Variants in ARHGAP26 observed in about 807,000 individuals in gnomAD.
The protein encoded by ARHGAP26 is rho GTPase-activating protein 26.
A neutral mutation model predicts 104.8 loss-of-function variants in ARHGAP26; 38 were observed. That is an observed-to-expected ratio of 0.36 (90% CI 0.28 to 0.48). The LOEUF is 0.48. Ranked by LOEUF, ARHGAP26 falls within the 20% of genes least tolerant of loss-of-function variation. The probability of loss-of-function intolerance (pLI) is 0.99; values close to 1 mark genes in which losing one functional copy is unlikely to be tolerated. For synonymous variants in ARHGAP26, 341 were observed against 340.0 expected, an observed-to-expected ratio of 1.00 and a Z score of -0.03; for missense variants, 704 against 947.9, an observed-to-expected ratio of 0.74 and a Z score of 3.38.
intron 1 of ARHGAP26, among the ~76,000 whole-genome samples, chr5:142,819,625 T>C (rs1168122612): frequency 1.3e-5 from 2 of 151,992 alleles, no homozygotes; most frequent in Non-Finnish European, 2.9e-5. Context: ...ACAGGAAGAG[T>C]AGTCATATAT....
At chr5:143,166,159 CT>C in intron 20 of ARHGAP26, 1 of 1,173,950 alleles carries the variant, frequency 8.5e-7, no homozygotes, top group South Asian at 1.5e-5. Flanking sequence ...AACACACGCC[CT>C]TCCCCTAACT....
rs756401821 is a variant in ARHGAP26, at chr5:143,087,636, C to CTTCTT, written c.1538+29891_1538+29892insCTTTT. ...CTCATCTAATTAACCCTGGCCCATTCTTTTTTTTTTTTTTTTTTTTTTTTT... is the reference window on the plus strand; with the variant it reads ...CTCATCTAATTAACCCTGGCCCATTCTTCTTTTTTTTTTTTTTTTTTTTTTTTTTT... On this transcript the variant is annotated intron_variant, in intron 17 of 22. Transcript: ENST00000645722. 5.0e-3 allele frequency among the ~76,000 whole-genome samples: 259 copies of CTTCTT among 51,564 alleles called. 11 individuals carry two copies. The East Asian group carries it at 0.076, about 15-fold the overall frequency. 33.8% of individuals were successfully genotyped at this position (51,564 alleles called of 152,430 possible).
intron 17 of ARHGAP26, among the ~76,000 whole-genome samples, chr5:143,105,533 G>A (rs1175254891): frequency 6.6e-6 from 1 of 152,134 alleles, no homozygotes; most frequent in Non-Finnish European, 1.5e-5. Flanking sequence ...TTCTGTGTGT[G>A]GGAATCATAT....
chr5:143,204,390 G>A (rs923340505), intron 20 of ARHGAP26, among the ~76,000 whole-genome samples: 2 of 152,074 alleles, frequency 1.3e-5, no homozygotes, highest in Non-Finnish European at 1.5e-5. Flanking sequence ...CAGGCATGGT[G>A]GGGGGGATCT....
At chr5:142,876,038 A>G (rs1258956784) in intron 3 of ARHGAP26, among the ~76,000 whole-genome samples, 3 of 152,166 alleles carry the variant, frequency 2.0e-5, no homozygotes, top group Non-Finnish European at 2.9e-5. Context: ...AACCCTGCCT[A>G]TAATTTATTC....
At chr5:143,057,176 A>G (rs1785947101) in intron 16 of ARHGAP26, among the ~76,000 whole-genome samples, 1 of 152,232 alleles carries the variant, frequency 6.6e-6, no homozygotes, top group Admixed American at 6.5e-5. Context: ...ACTTGAGGAT[A>G]CTGGACATTT....
At chr5:142,897,108 T>C (rs1186949854) in intron 6 of ARHGAP26, among the ~76,000 whole-genome samples, 2 of 152,056 alleles carry the variant, frequency 1.3e-5, no homozygotes, top group African/African-American at 4.8e-5. Context: ...CTCACTGGGG[T>C]AAGCAAGATG....
chr5:142,783,673 A>G (rs1216000000), intron 1 of ARHGAP26, among the ~76,000 whole-genome samples: 1 of 152,050 alleles, frequency 6.6e-6, no homozygotes, highest in East Asian at 1.9e-4. Flanking sequence ...TTTCTGGCAA[A>G]TACTGCTGTC....
Position 142,812,814 on chromosome 5 carries a change from G to C in ARHGAP26, c.154+41899G>C, listed in dbSNP as rs188916219. ...CAGCCTCCTGAGTCTTTGGAGTTGA[G>C]GGCATAAGCCACCGTGTCTGGCTCC... On this transcript the variant is annotated intron_variant, in intron 1 of 22. Transcript: ENST00000645722. Among the ~76,000 whole-genome samples the C allele has an allele frequency of 4.6e-3, 697 of 152,198 alleles. 9 individuals are homozygous for C. The highest frequency in any genetic ancestry group is 0.016 in the African/African-American group (666 of 41,532).
chr5:143,018,433 A>C (rs1240299348), intron 12 of ARHGAP26, among the ~76,000 whole-genome samples: 2 of 152,194 alleles, frequency 1.3e-5, no homozygotes, highest in Non-Finnish European at 2.9e-5. Flanking sequence ...TGTCACAAAG[A>C]TGTGTACCTA....
rs75182529 is a variant in ARHGAP26 at position 142,801,194 on chromosome 5, C to T, written c.154+30279C>T. On this transcript the variant is annotated intron_variant, in intron 1 of 22. Transcript: ENST00000645722. The stretch of plus-strand genomic sequence containing the variant: ...TTTGACTCTTTCCTCTGGGTTTGAG[C>T]TGTGGAATTGCTGTAGGAGCTTTTT... 5.7e-3 allele frequency among the ~76,000 whole-genome samples: 875 copies of T among 152,300 alleles called. 18 individuals are homozygous for T. The East Asian group carries it at 0.063, about 11-fold the overall frequency.
intron 11 of ARHGAP26, among the ~76,000 whole-genome samples, chr5:142,949,399 A>G (rs1287447002): frequency 6.6e-6 from 1 of 151,980 alleles, no homozygotes. Flanking sequence ...CATTTTTGCC[A>G]CCGTCATCTC....
chr5:143,027,348 C>CTT (rs34130538), intron 12 of ARHGAP26, among the ~76,000 whole-genome samples: 1 of 133,340 alleles, frequency 7.5e-6, no homozygotes, highest in Non-Finnish European at 1.6e-5. Flanking sequence ...ATTTTTTTTT[C>CTT]TTTTTTTTTT....
rs761442291 is a variant in ARHGAP26 at position 143,207,278 on chromosome 5, C to T, written c.2069C>T (p.Ser690Leu). 1 of 1,614,202 alleles carries T rather than the reference C, an allele frequency of 6.2e-7. No individual in the cohort carries two copies. Among genetic ancestry groups the T allele is most frequent in the South Asian group, 1.1e-5 (1 of 91,078 alleles). The part of the protein sequence containing the change: ...FSAPSSPMPT[S>L]STSSDSSPVS... ...GCGCCATCCAGCCCTATGCCCACCT[C>T]ATCCACGTCCAGCGACTCATCCCCC... Residue 690 changes from serine (S) to leucine (L), a missense_variant, in exon 21 of 23, where the codon TCA (serine) becomes TTA (leucine). By Grantham distance (145) the Ser-to-Leu change is moderately radical. Around this residue, in one of 6 missense-constraint regions of ARHGAP26, gnomAD observed 217 missense variants for 242.6 expected, o/e 0.89. Transcript: ENST00000645722.
chr5:142,989,752 ATTCTT>A (rs1353430236), intron 11 of ARHGAP26, among the ~76,000 whole-genome samples: 1 of 152,168 alleles, frequency 6.6e-6, no homozygotes, highest in East Asian at 1.9e-4. Context: ...TGGGTTGAAA[ATTCTT>A]TTCTTTAAGA....
At chr5:143,149,733 C>T (rs1289812080) in intron 20 of ARHGAP26, among the ~76,000 whole-genome samples, 1 of 152,126 alleles carries the variant, frequency 6.6e-6, no homozygotes, top group Non-Finnish European at 1.5e-5. Flanking sequence ...GTCCAGAGAT[C>T]CTCCAGTGGG....
At chr5:142,965,128 T>A (rs553544589) in intron 11 of ARHGAP26, among the ~76,000 whole-genome samples, 78 of 152,246 alleles carry the variant, frequency 5.1e-4, no homozygotes, top group African/African-American at 1.8e-3. Flanking sequence ...ATCAGAGACT[T>A]TTAGTACTTT....
At chr5:143,155,220 A>C (rs891880187) in intron 20 of ARHGAP26, among the ~76,000 whole-genome samples, 18 of 151,490 alleles carry the variant, frequency 1.2e-4, no homozygotes, top group Admixed American at 7.2e-4. Flanking sequence ...CAGCTTACTT[A>C]CTCGTTCATT....
chr5:143,097,445 C>A (rs79479832), intron 17 of ARHGAP26, among the ~76,000 whole-genome samples: 15,502 of 149,162 alleles, frequency 0.1, 1,542 homozygotes, highest in East Asian at 0.37. Flanking sequence ...ATTCAGGTAA[C>A]TTTACCTAAT....
Sources: gnomAD v4.1 joint callset for allele counts (sites outside exome capture counted in the v4.1 genomes callset) on GRCh38, gnomAD v4.1.1 for gene constraint, gnomAD v4.1.1 regional missense constraint, MANE v1.5 for transcripts, NCBI Gene and HGNC (gene_info 2026-07-23, HGNC 2026-07-21) for gene names.